The following PPHLN1 variants were observed in gnomAD, a reference collection of about 807,000 sequenced individuals.
PPHLN1 encodes the protein periphilin 1.
PPHLN1 carries 29 observed loss-of-function variants against 51.3 expected under a neutral mutation model. That is an observed-to-expected ratio of 0.57 (90% CI 0.42 to 0.77). The LOEUF (loss-of-function observed/expected upper bound fraction) is 0.77. Ranked by LOEUF, PPHLN1 falls within the 30% of genes least tolerant of loss-of-function variation. The pLI, the probability that PPHLN1 is intolerant of heterozygous loss-of-function variation, is 0.00. For synonymous variants in PPHLN1, 147 were observed against 147.8 expected (o/e 0.99, Z 0.04); for missense variants, 436 against 438.4 (o/e 0.99, Z 0.05).
intron 8 of PPHLN1, among the ~76,000 whole-genome samples, chr12:42,395,575 G>A (rs1198774487): frequency 1.3e-5 from 2 of 152,002 alleles, no homozygotes. Context: ...AGTGGTCCGT[G>A]CTTTTTGAGA....
At chr12:42,378,447 C>A (rs61585564) in intron 5 of PPHLN1, among the ~76,000 whole-genome samples, 1 of 151,828 alleles carries the variant, frequency 6.6e-6, no homozygotes, top group South Asian at 2.1e-4. Context: ...GACTGAGACA[C>A]GGGGTTCTGC....
At chr12:42,327,427 A>G (rs1187779359) in intron 1 of PPHLN1, among the ~76,000 whole-genome samples, 1 of 152,186 alleles carries the variant, frequency 6.6e-6, no homozygotes, top group Non-Finnish European at 1.5e-5. Flanking sequence ...GCCATGTTGA[A>G]CGGATTTCAA....
At chr12:42,335,159 C>A (rs2070400791) in intron 1 of PPHLN1, among the ~76,000 whole-genome samples, 1 of 152,112 alleles carries the variant, frequency 6.6e-6, no homozygotes, top group Non-Finnish European at 1.5e-5. Flanking sequence ...AATTCTTTAA[C>A]ACCATATTCA....
chr12:42,385,018 G>T lies in PPHLN1; in HGVS notation c.568+22G>T, dbSNP rs1040093662. 4 of 1,584,300 alleles carry T rather than the reference G, an allele frequency of 2.5e-6. No homozygotes were observed. The Admixed American group carries it at 6.7e-5, about 26-fold the overall frequency. ...AGAGGTGAGTTTTGAGCTAGACTCT[G>T]ATTTGGGATTGTGAAGGGGTGGGAG... On this transcript the variant is annotated intron_variant, in intron 6 of 9. Coordinates refer to ENST00000358314, the MANE Select transcript of PPHLN1 (RefSeq NM_201439.2).
intron 4 of PPHLN1, among the ~76,000 whole-genome samples, chr12:42,356,863 T>C (rs1485520558): frequency 1.3e-5 from 2 of 152,188 alleles, no homozygotes; most frequent in Non-Finnish European, 2.9e-5. Flanking sequence ...GAAAAATAAA[T>C]AAGTTGTAGG....
At chr12:42,356,065 T>C (rs2406873) in intron 4 of PPHLN1, among the ~76,000 whole-genome samples, 24,759 of 152,170 alleles carry the variant, frequency 0.16, 2,072 homozygotes, top group Admixed American at 0.2. Flanking sequence ...ACATTTAAAT[T>C]GATTGATAGT....
At chr12:42,352,448 C>T (rs1318434504) in intron 3 of PPHLN1, among the ~76,000 whole-genome samples, 29 of 150,364 alleles carry the variant, frequency 1.9e-4, no homozygotes, top group African/African-American at 6.4e-4. Flanking sequence ...CTTACTCTGT[C>T]CCCCAGGTTG....
At chr12:42,400,045 G>C (rs1592731047) in intron 9 of PPHLN1, 1 of 151,424 alleles carries the variant, frequency 6.6e-6, no homozygotes, top group East Asian at 1.9e-4. Context: ...TTTTTTTCTT[G>C]ACATGTTTTT....
chr12:42,398,497 G>A lies in PPHLN1; in HGVS notation c.769-357G>A, dbSNP rs180728441. 4.9e-5 allele frequency: 8 copies of A among 164,834 alleles called. No individual in the cohort carries two copies. The East Asian group carries it at 1.2e-3, about 24-fold the overall frequency. 10.2% of individuals were successfully genotyped at this position (164,834 alleles called of 1,614,324 possible). A position where few individuals can be genotyped will look rare whatever the true frequency, so the allele number is the denominator to read the frequency against. On this transcript the variant is annotated intron_variant, in intron 8 of 9. Coordinates refer to ENST00000358314, the MANE Select transcript of PPHLN1 (RefSeq NM_201439.2). ...TAATGTGAAATAATATTTTGGAATC[G>A]AATAGGCCTAGAGGCTTTGTCTTAC...
chr12:42,378,330 A>G (rs2076479271), intron 5 of PPHLN1, among the ~76,000 whole-genome samples: 1 of 152,100 alleles, frequency 6.6e-6, no homozygotes, highest in African/African-American at 2.4e-5. Flanking sequence ...AATGGAGGTC[A>G]TATTTTAAAC....
chr12:42,418,184 C>T (rs1224614082), intron 9 of PPHLN1, among the ~76,000 whole-genome samples: 2 of 146,904 alleles, frequency 1.4e-5, no homozygotes, highest in African/African-American at 5.0e-5. Flanking sequence ...CGTGATCTGC[C>T]CCGCCTCGAC....
rs918167759 is a variant in PPHLN1 at position 42,341,259 on chromosome 12, G to A, written c.72+5285G>A. Reference sequence around the variant, plus strand: ...CTCCCAAAGTGCTGGGATTACAGGCGTGAGCCATCGTGCCCGGCTTCTCCG... The same window carrying A: ...CTCCCAAAGTGCTGGGATTACAGGCATGAGCCATCGTGCCCGGCTTCTCCG... On this transcript the variant is annotated intron_variant, in intron 2 of 9. Coordinates refer to ENST00000358314, the MANE Select transcript of PPHLN1 (RefSeq NM_201439.2). 7.2e-5 allele frequency among the ~76,000 whole-genome samples: 11 copies of A among 152,078 alleles called. No individual in the cohort carries two copies. The South Asian group carries it at 1.7e-3, about 23-fold the overall frequency.
chr12:42,433,062 T>A, intron 9 of PPHLN1: 1 of 861,494 alleles, frequency 1.2e-6, no homozygotes, highest in Non-Finnish European at 2.0e-6. Flanking sequence ...AAGACGGTAT[T>A]TTTTTTTGAC....
chr12:42,343,727 G>A, intron 2 of PPHLN1: 1 of 276,010 alleles, frequency 3.6e-6, no homozygotes, highest in South Asian at 3.1e-5. Context: ...AGAATTGCAA[G>A]GACTTAACTT....
At chr12:42,424,301 G>A (rs1481212202) in intron 9 of PPHLN1, among the ~76,000 whole-genome samples, 2 of 152,078 alleles carry the variant, frequency 1.3e-5, no homozygotes, top group Non-Finnish European at 2.9e-5. Flanking sequence ...AAATTTGCAG[G>A]GTTTCTCATG....
At chr12:42,331,326 A>C (rs754616793) in intron 1 of PPHLN1, among the ~76,000 whole-genome samples, 2 of 152,252 alleles carry the variant, frequency 1.3e-5, no homozygotes, top group African/African-American at 2.4e-5. Context: ...CTATAGCCTA[A>C]GTTGCTACTA....
chr12:42,401,140 T>G (rs1669903), intron 9 of PPHLN1, among the ~76,000 whole-genome samples: 42,596 of 152,050 alleles, frequency 0.28, 7,321 homozygotes, highest in Non-Finnish European at 0.38. Flanking sequence ...ACCGTCAACC[T>G]TTCTTAAAAA....
downstream of PPHLN1, chr12:42,443,001 C>T (rs1346140110): frequency 1.2e-5 from 5 of 404,190 alleles, no homozygotes; most frequent in African/African-American, 4.0e-5. Flanking sequence ...AAATCTTAAA[C>T]GATATCATGC....
Position 42,337,507 on chromosome 12 carries a change from G to A in PPHLN1, c.72+1533G>A, listed in dbSNP as rs563593090. On this transcript the variant is annotated intron_variant, in intron 2 of 9. Transcript: ENST00000358314. The stretch of plus-strand genomic sequence containing the variant: ...GATGGGGTTTCACCATGTTGACCAG[G>A]CTGGTCTCGAACTCCTGACCTCAGG... 2.6e-5 allele frequency among the ~76,000 whole-genome samples: 4 copies of A among 151,930 alleles called. No individual in the cohort carries two copies. The East Asian group carries it at 7.7e-4, about 29-fold the overall frequency.
Sources: gnomAD v4.1 joint callset for allele counts (sites outside exome capture counted in the v4.1 genomes callset) on GRCh38, gnomAD v4.1.1 for gene constraint, MANE v1.5 for transcripts, NCBI Gene and HGNC (gene_info 2026-07-23, HGNC 2026-07-21) for gene names.